Variants in EHD4 observed in about 807,000 individuals in gnomAD.
The protein encoded by EHD4 is EH domain containing 4, also known as EH domain-containing protein 4.
EHD4 carries 37 observed loss-of-function variants against 51.0 expected under a neutral mutation model. That is an observed-to-expected ratio of 0.73 (90% CI 0.56 to 0.95). The LOEUF is 0.95. Among genes scored for constraint, EHD4 ranks in the 40% least tolerant of loss-of-function variants. The probability of loss-of-function intolerance (pLI) is 0.00; values close to 1 mark genes in which losing one functional copy is unlikely to be tolerated. For missense variants in EHD4, 632 were observed against 733.1 expected (o/e 0.86, Z 1.59); for synonymous variants, 297 against 317.3 (o/e 0.94, Z 0.68).
chr15:41,933,121 C>T (rs977786877), intron 3 of EHD4, among the ~76,000 whole-genome samples: 1 of 152,204 alleles, frequency 6.6e-6, no homozygotes, highest in African/African-American at 2.4e-5. Flanking sequence ...CCTCCAGGGC[C>T]CACAGGAGTG....
chr15:41,923,871 T>A (rs1208659154), intron 3 of EHD4, among the ~76,000 whole-genome samples: 2 of 152,232 alleles, frequency 1.3e-5, no homozygotes, highest in East Asian at 3.8e-4. Context: ...AGCTCCCTGC[T>A]TTTGCCCATG....
chr15:41,942,976 G>T, intron 3 of EHD4, 91 bp downstream of exon 3: 2 of 1,268,044 alleles, frequency 1.6e-6, no homozygotes, highest in Non-Finnish European at 2.2e-6. Context: ...CTGGAGGACG[G>T]ATAGAATAAT....
intron 3 of EHD4, among the ~76,000 whole-genome samples, chr15:41,939,207 G>C (rs1795066949): frequency 6.6e-6 from 1 of 152,118 alleles, no homozygotes; most frequent in South Asian, 2.1e-4. Flanking sequence ...TTCTTTCATT[G>C]GCTACTAAAA....
At chr15:41,917,127 ATTTATTT>A (rs2140987605) in intron 4 of EHD4, among the ~76,000 whole-genome samples, 1 of 141,520 alleles carries the variant, frequency 7.1e-6, no homozygotes, top group Non-Finnish European at 1.6e-5. Context: ...TTATTTATTT[ATTTATTT>A]ATTTGAGACA....
chr15:41,900,782 C>T lies in EHD4; in HGVS notation c.1489G>A (p.Gly497Ser), dbSNP rs575052049. The T allele has an allele frequency of 4.6e-5, 75 of 1,614,166 alleles. No individual in the cohort carries two copies. Among genetic ancestry groups the T allele is most frequent in the East Asian group, 1.3e-4 (6 of 44,878 alleles). The change falls in exon 6 of 6, where the codon GGC (glycine) becomes AGC (serine). Residue 497 changes from glycine (G) to serine (S), a missense_variant. Physicochemically the swap from Gly to Ser is moderately conservative, Grantham distance 56. Transcript: ENST00000220325. The surrounding 1 kb of genome is among the most constrained non-coding windows in gnomAD (Gnocchi z 4.8). ...IWKLADCDCDGMLDEEEFALA... is the reference protein window; with the variant it reads ...IWKLADCDCDSMLDEEEFALA... The stretch of plus-strand genomic sequence containing the variant: ...GCGAACTCCTCCTCATCAAGCATGC[C>T]GTCGCAGTCGCAGTCGGCCAGCTTC...
intron 1 of EHD4, among the ~76,000 whole-genome samples, 173 bp downstream of exon 1, chr15:41,972,086 G>A (rs1010775511): frequency 1.3e-5 from 2 of 151,820 alleles, no homozygotes; most frequent in African/African-American, 2.4e-5. Context: ...GGACCCTCCA[G>A]CGCGCGGGGC....
chr15:41,935,681 A>T (rs1264679271), intron 3 of EHD4, among the ~76,000 whole-genome samples: 1 of 152,154 alleles, frequency 6.6e-6, no homozygotes, highest in African/African-American at 2.4e-5. Context: ...CGCACTCTGG[A>T]ACCAGACTGC....
At position 41,898,323 on chromosome 15, in the gene EHD4, C is replaced by T. The variant is rs941404016; in HGVS notation, c.*2322G>A. 3.9e-5 allele frequency: 6 copies of T among 152,168 alleles called. No homozygotes were observed. Among genetic ancestry groups the T allele is most frequent in the African/African-American group, 1.4e-4 (6 of 41,422 alleles). 9.4% of individuals were successfully genotyped at this position (152,168 alleles called of 1,614,324 possible). A position where few individuals can be genotyped will look rare whatever the true frequency, so the allele number is the denominator to read the frequency against. ...GCCCTCTAAAGCAGCTTTCTGTATC[C>T]AGACAAAACTTACATATGTACACGT... On this transcript the variant is annotated 3_prime_UTR_variant, in exon 6 of 6. Transcript: ENST00000220325.
chr15:41,926,519 C>A (rs919233081), intron 3 of EHD4, among the ~76,000 whole-genome samples: 5 of 152,182 alleles, frequency 3.3e-5, no homozygotes, highest in African/African-American at 1.2e-4. Context: ...CTCCAGCACC[C>A]GTGCAGTGAG....
intron 2 of EHD4, among the ~76,000 whole-genome samples, chr15:41,951,645 G>C (rs1337055848): frequency 6.6e-6 from 1 of 152,228 alleles, no homozygotes; most frequent in Non-Finnish European, 1.5e-5. Context: ...ACAAAGGGCA[G>C]TGGCAATGAA....
intron 2 of EHD4, among the ~76,000 whole-genome samples, chr15:41,947,995 G>A (rs1595542355): frequency 1.4e-5 from 2 of 138,044 alleles, no homozygotes; most frequent in South Asian, 4.3e-4. Flanking sequence ...GGTGGCTCAC[G>A]CCTGTAATCC....
chr15:41,954,059 C>A, intron 1 of EHD4, 119 bp from the exon 2 acceptor site: 1 of 1,104,536 alleles, frequency 9.1e-7, no homozygotes, highest in East Asian at 2.5e-5. Context: ...AACATAACCC[C>A]CAAGAAAAGC....
At chr15:41,945,771 G>T (rs1247115525) in intron 2 of EHD4, among the ~76,000 whole-genome samples, 1 of 152,264 alleles carries the variant, frequency 6.6e-6, no homozygotes, top group African/African-American at 2.4e-5. Flanking sequence ...TCTTCTCTGA[G>T]AAAGGGAGGC....
intron 3 of EHD4, among the ~76,000 whole-genome samples, chr15:41,938,069 G>A (rs554950831): frequency 6.6e-5 from 10 of 152,298 alleles, no homozygotes; most frequent in African/African-American, 2.4e-4. Context: ...ATAATTTTGT[G>A]CATGAAACAA....
chr15:41,908,297 G>A (rs77046450), intron 5 of EHD4: 1 of 152,200 alleles, frequency 6.6e-6, no homozygotes, highest in South Asian at 2.1e-4. Flanking sequence ...CTCTGAGTTA[G>A]TGTATAATTT....
intron 1 of EHD4, among the ~76,000 whole-genome samples, chr15:41,957,199 G>A (rs756808932): frequency 9.9e-5 from 15 of 152,238 alleles, no homozygotes; most frequent in East Asian, 1.9e-4. Context: ...GTGTGGTGGC[G>A]TGCATCTGTA....
In EHD4 at chr15:41,942,722, C is replaced by T. The variant is rs888937586; in HGVS notation, c.511+345G>A. On this transcript the variant is annotated intron_variant, in intron 3 of 5. Transcript: ENST00000220325. ...CAGCTTCCCTTAGGTAATTCCTACT[C>T]CTTCAGATCCTAGTTCCAATGCTGC... 2.7e-5 allele frequency: 6 copies of T among 222,772 alleles called. No individual in the cohort carries two copies. The East Asian group carries it at 6.7e-4, about 25-fold the overall frequency. The allele number at this position is 222,772 out of a possible 1,614,324, so 13.8% of individuals were successfully genotyped here. A position where few individuals can be genotyped will look rare whatever the true frequency, so the allele number is the denominator to read the frequency against.
intron 1 of EHD4, among the ~76,000 whole-genome samples, chr15:41,955,092 CTGA>C (rs2067878455): frequency 1.3e-5 from 2 of 152,124 alleles, no homozygotes; most frequent in Non-Finnish European, 1.5e-5. Flanking sequence ...TACAGTAAAT[CTGA>C]TGATATCTTT....
intron 3 of EHD4, among the ~76,000 whole-genome samples, chr15:41,927,247 C>A (rs1248444275): frequency 6.6e-6 from 1 of 152,190 alleles, no homozygotes; most frequent in Non-Finnish European, 1.5e-5. Context: ...TTGGTTTATT[C>A]CTCCAAAAAC....
Sources: gnomAD v4.1 joint callset for allele counts (sites outside exome capture counted in the v4.1 genomes callset) on GRCh38, gnomAD v4.1.1 for gene constraint, Gnocchi (gnomAD v3.1) non-coding constraint, MANE v1.5 for transcripts, NCBI Gene and HGNC (gene_info 2026-07-23, HGNC 2026-07-21) for gene names.